The following GPR158 variants were observed in gnomAD, a reference collection of about 807,000 sequenced individuals.
GPR158 encodes the protein G protein-coupled receptor 158.
In GPR158, 30 loss-of-function variants were observed where a neutral mutation model predicts 78.2. The ratio of observed to expected loss-of-function variants is 0.38; its 90% confidence interval spans 0.29 to 0.52. The LOEUF is 0.52. Ranked by LOEUF, GPR158 falls within the 20% of genes least tolerant of loss-of-function variation. The pLI, the probability that GPR158 is intolerant of heterozygous loss-of-function variation, is 0.83. For synonymous variants in GPR158, 581 were observed against 591.1 expected (o/e 0.98, Z 0.25); for missense variants, 1,463 against 1,523.5 (o/e 0.96, Z 0.66).
Position 25,246,323 on chromosome 10 carries a change from A to G in GPR158, c.1008+25166A>G, listed in dbSNP as rs545511639. Among the ~76,000 whole-genome samples, 13 of 152,322 alleles carry G rather than the reference A, an allele frequency of 8.5e-5. No individual in the cohort carries two copies. The South Asian group carries it at 2.7e-3, about 32-fold the overall frequency. On this transcript the variant is annotated intron_variant, in intron 2 of 10. Transcript: ENST00000376351. ...CAAAGAGAGAGACTTAACTATATAAAGTGATTTCTGCATTTTCTGTGTGTA... is the reference window on the plus strand; with the variant it reads ...CAAAGAGAGAGACTTAACTATATAAGGTGATTTCTGCATTTTCTGTGTGTA...
chr10:25,526,541 T>C (rs1322971678), intron 5 of GPR158, among the ~76,000 whole-genome samples: 1 of 152,168 alleles, frequency 6.6e-6, no homozygotes, highest in African/African-American at 2.4e-5. Flanking sequence ...GTAATTTGGA[T>C]AGTGGGTTTA....
chr10:25,230,589 G>T (rs1853434678), intron 2 of GPR158, among the ~76,000 whole-genome samples: 1 of 152,166 alleles, frequency 6.6e-6, no homozygotes, highest in African/African-American at 2.4e-5. Flanking sequence ...CGTGGGTGAT[G>T]TGATAACTGT....
At chr10:25,235,646 A>G (rs1431863780) in intron 2 of GPR158, among the ~76,000 whole-genome samples, 2 of 151,814 alleles carry the variant, frequency 1.3e-5, no homozygotes, top group African/African-American at 4.8e-5. Context: ...AATTTCTGTA[A>G]AATGAGGACA....
intron 5 of GPR158, among the ~76,000 whole-genome samples, chr10:25,478,545 AT>A (rs1308852325): frequency 1.3e-5 from 2 of 151,604 alleles, no homozygotes; most frequent in Admixed American, 1.3e-4. Context: ...AGAGAAAGAA[AT>A]GGATGGATGG....
chr10:25,299,195 T>A (rs529329851), intron 2 of GPR158, among the ~76,000 whole-genome samples: 189 of 152,304 alleles, frequency 1.2e-3, no homozygotes, highest in Admixed American at 6.7e-3. Flanking sequence ...TACAGTCAGG[T>A]AAATTAACAT....
chr10:25,323,841 A>G (rs970162579), intron 2 of GPR158, among the ~76,000 whole-genome samples: 1 of 152,114 alleles, frequency 6.6e-6, no homozygotes, highest in Non-Finnish European at 1.5e-5. Context: ...TGTTTTCGAT[A>G]ACTTGCTGCA....
chr10:25,491,336 C>G (rs1350449330), intron 5 of GPR158, among the ~76,000 whole-genome samples: 2 of 152,118 alleles, frequency 1.3e-5, no homozygotes, highest in Non-Finnish European at 2.9e-5. Context: ...TAGTGTGTCT[C>G]CTTTATATTT....
rs978619180 is a variant in GPR158 at position 25,601,867 on chromosome 10, G to A, written c.*2593G>A. The A allele has an allele frequency of 2.0e-5, 3 of 152,688 alleles. No individual in the cohort carries two copies. Among genetic ancestry groups the A allele is most frequent in the East Asian group, 1.9e-4 (1 of 5,188 alleles). 9.5% of individuals were successfully genotyped at this position (152,688 alleles called of 1,614,324 possible). Reference sequence around the variant, plus strand: ...GATTTATACCAATCTTAATAGAATTGTATATTTTATGCAAGAATTAAATGC... The same window carrying A: ...GATTTATACCAATCTTAATAGAATTATATATTTTATGCAAGAATTAAATGC... On this transcript the variant is annotated 3_prime_UTR_variant, in exon 11 of 11. Coordinates refer to ENST00000376351, the MANE Select transcript of GPR158 (RefSeq NM_020752.3).
At chr10:25,207,273 C>T (rs775977911) in intron 1 of GPR158, among the ~76,000 whole-genome samples, 3 of 152,188 alleles carry the variant, frequency 2.0e-5, no homozygotes, top group Non-Finnish European at 2.9e-5. Flanking sequence ...CTTCTCCCAA[C>T]AGGTGCCTTT....
chr10:25,547,796 C>T (rs1836682108), intron 5 of GPR158, among the ~76,000 whole-genome samples: 1 of 152,090 alleles, frequency 6.6e-6, no homozygotes, highest in Non-Finnish European at 1.5e-5. Context: ...TGCCCTATTT[C>T]CCTTCAGTAA....
At chr10:25,295,829 G>A (rs1854504509) in intron 2 of GPR158, among the ~76,000 whole-genome samples, 1 of 152,094 alleles carries the variant, frequency 6.6e-6, no homozygotes, top group African/African-American at 2.4e-5. Context: ...CATTCTGTTT[G>A]CCTAAAATAC....
In GPR158 at chr10:25,265,660, G is replaced by A. The variant is rs1350261142; in HGVS notation, c.1008+44503G>A. Reference sequence around the variant, plus strand: ...AGTGAAGGTAGGAAGCACAAAGCAGGTTATTGAAAGAATGAAAGACCTTTC... The same window carrying A: ...AGTGAAGGTAGGAAGCACAAAGCAGATTATTGAAAGAATGAAAGACCTTTC... On this transcript the variant is annotated intron_variant, in intron 2 of 10. Coordinates refer to ENST00000376351, the MANE Select transcript of GPR158 (RefSeq NM_020752.3). Among the ~76,000 whole-genome samples, 3 of 152,118 alleles carry A rather than the reference G, an allele frequency of 2.0e-5. No individual in the cohort carries two copies. In the South Asian group the frequency reaches 6.2e-4, roughly 31 times the overall value.
chr10:25,303,708 A>G (rs1023183564), intron 2 of GPR158, among the ~76,000 whole-genome samples: 1 of 152,238 alleles, frequency 6.6e-6, no homozygotes, highest in African/African-American at 2.4e-5. Context: ...AAAGCTTCTG[A>G]GAAATCCTGG....
At chr10:25,550,611 A>T (rs1036315264) in intron 5 of GPR158, among the ~76,000 whole-genome samples, 4 of 152,072 alleles carry the variant, frequency 2.6e-5, no homozygotes, top group African/African-American at 7.2e-5. Context: ...TAGATTTTTT[A>T]AAATTATACT....
chr10:25,344,742 G>A (rs1027639836), intron 2 of GPR158, among the ~76,000 whole-genome samples: 2 of 151,916 alleles, frequency 1.3e-5, no homozygotes, highest in Admixed American at 6.6e-5. Flanking sequence ...ATTTGAGATG[G>A]AAGCTAGTGT....
intron 5 of GPR158, among the ~76,000 whole-genome samples, chr10:25,490,804 A>G (rs957657335): frequency 1.3e-5 from 2 of 151,534 alleles, no homozygotes; most frequent in African/African-American, 4.9e-5. Context: ...TTGGGTATAT[A>G]CCCAGTAATG....
intron 5 of GPR158, among the ~76,000 whole-genome samples, chr10:25,514,417 C>T (rs192211901): frequency 2.9e-4 from 44 of 152,114 alleles, no homozygotes; most frequent in Non-Finnish European, 4.7e-4. Flanking sequence ...AGGTGAGTCT[C>T]GTGAGTCTCT....
intron 1 of GPR158, among the ~76,000 whole-genome samples, chr10:25,211,087 G>A (rs1422962821): frequency 6.6e-6 from 1 of 151,592 alleles, no homozygotes; most frequent in Non-Finnish European, 1.5e-5. Flanking sequence ...AACTGGGATT[G>A]TGCCACTGCA....
At position 25,412,429 on chromosome 10, in the gene GPR158, G is replaced by A. The variant is rs1235084610; in HGVS notation, c.1291G>A (p.Asp431Asn). The change falls in exon 4 of 11, where the codon GAC becomes AAC. Residue 431 changes from aspartate to asparagine, a missense_variant. Asp to Asn is a conservative substitution (Grantham distance 23, BLOSUM62 1). Transcript: ENST00000376351. Reference protein sequence around the residue: ...ISFQALCMLLDFVSMLVVYHF... With the variant: ...ISFQALCMLLNFVSMLVVYHF... The stretch of plus-strand genomic sequence containing the variant: ...CTTCCAAGCCCTGTGTATGCTGCTC[G>A]ACTTCGTTAGCATGCTGGTGGTCTA... 12 of 1,613,916 alleles carry A rather than the reference G, an allele frequency of 7.4e-6. No homozygotes were observed. The highest frequency in any genetic ancestry group is 2.7e-5 in the African/African-American group (2 of 74,928).
Sources: allele counts gnomAD v4.1 joint callset (sites outside exome capture counted in the v4.1 genomes callset), GRCh38; gene constraint gnomAD v4.1.1; transcripts MANE v1.5; gene names NCBI Gene and HGNC (gene_info 2026-07-23, HGNC 2026-07-21).